Variants in PLAC1 observed in about 807,000 individuals in gnomAD.
The protein encoded by PLAC1 is placenta-specific protein 1.
For missense variants in PLAC1, 136 were observed against 163.2 expected, an observed-to-expected ratio of 0.83 and a Z score of 0.91; for synonymous variants, 68 against 62.1, an observed-to-expected ratio of 1.09 and a Z score of -0.44.
intron 2 of PLAC1, among the ~76,000 whole-genome samples, chrX:134,584,960 C>T (rs751712364): frequency 3.8e-4 from 42 of 110,741 alleles, no homozygotes; most frequent in African/African-American, 1.2e-3. Context: ...ACGTCTTTCT[C>T]CCTAAATAAA....
At chrX:134,719,885 C>T (rs1387516924) in intron 2 of PLAC1, among the ~76,000 whole-genome samples, 1 of 111,850 alleles carries the variant, frequency 8.9e-6, no homozygotes, top group Admixed American at 9.5e-5. Flanking sequence ...AAACCCACAA[C>T]TAACATCAAA....
At chrX:134,687,846 A>G (rs1358114520) in intron 2 of PLAC1, among the ~76,000 whole-genome samples, 8 of 78,164 alleles carry the variant, frequency 1.0e-4, no homozygotes, top group Non-Finnish European at 1.6e-4. Flanking sequence ...ATATATATAT[A>G]TATATATATA....
rs927622265 is a variant in PLAC1, at chrX:134,595,170, C to T, written c.-59+6881G>A. Among the ~76,000 whole-genome samples the T allele has an allele frequency of 1.1e-4, 12 of 110,604 alleles. No homozygotes were observed. In the East Asian group the frequency reaches 3.4e-3, roughly 32 times the overall value. On this transcript the variant is annotated intron_variant, in intron 2 of 2. Coordinates refer to ENST00000359237, the MANE Select transcript of PLAC1 (RefSeq NM_021796.4). ...ATTTTCCAAGTGTTTGGATGTTTTCCTGTTATCTGTCTGTTATTAATTTCT... is the reference window on the plus strand; with the variant it reads ...ATTTTCCAAGTGTTTGGATGTTTTCTTGTTATCTGTCTGTTATTAATTTCT...
chrX:134,591,935 T>C (rs1669733822), intron 2 of PLAC1, among the ~76,000 whole-genome samples: 2 of 112,547 alleles, frequency 1.8e-5, no homozygotes, highest in Non-Finnish European at 1.9e-5. Flanking sequence ...TTACAATCCA[T>C]GTTTCCTCTT....
At chrX:134,724,394 C>T (rs902538067) in intron 2 of PLAC1, among the ~76,000 whole-genome samples, 3 of 111,935 alleles carry the variant, frequency 2.7e-5, no homozygotes, top group East Asian at 5.6e-4. Flanking sequence ...ATGATAAGGC[C>T]CTCAGAATCC....
chrX:134,717,662 G>A (rs2078647252), intron 2 of PLAC1, among the ~76,000 whole-genome samples: 1 of 111,946 alleles, frequency 8.9e-6, no homozygotes, highest in Non-Finnish European at 1.9e-5. Context: ...TAAAATTCTA[G>A]AGCCATTCAT....
intron 1 of PLAC1, among the ~76,000 whole-genome samples, chrX:134,633,212 C>G (rs777597735): frequency 3.6e-5 from 4 of 111,701 alleles, no homozygotes; most frequent in Non-Finnish European, 7.5e-5. Context: ...AGCACATTTT[C>G]TTTTCACTGT....
In PLAC1 at chrX:134,704,427, A is replaced by G. The variant is rs6654283; in HGVS notation, n.174+29008T>C. Reference sequence around the variant, plus strand: ...AGAATCACTTGAACCCGGGAGGCAGAGGTTACAGTGAGCTGAGATTGCAAC... The same window carrying G: ...AGAATCACTTGAACCCGGGAGGCAGGGGTTACAGTGAGCTGAGATTGCAAC... On this transcript the variant is annotated intron_variant and non_coding_transcript_variant, in intron 2 of 2. Coordinates refer to the PLAC1 transcript ENST00000466797. 3.1e-3 allele frequency among the ~76,000 whole-genome samples: 326 copies of G among 103,946 alleles called. 1 individual carries two copies. The highest frequency in any genetic ancestry group is 0.011 in the African/African-American group (310 of 28,629). 90.3% of individuals were successfully genotyped at this position (103,946 alleles called of 115,157 possible). A position where few individuals can be genotyped will look rare whatever the true frequency, so the allele number is the denominator to read the frequency against.
At chrX:134,677,077 G>A (rs902911886) in intron 2 of PLAC1, among the ~76,000 whole-genome samples, 5 of 112,345 alleles carry the variant, frequency 4.5e-5, no homozygotes, top group Non-Finnish European at 7.5e-5. Flanking sequence ...TTGTGGGCCC[G>A]CCCCAGGAGA....
chrX:134,586,506 C>G (rs1422946788), intron 2 of PLAC1, among the ~76,000 whole-genome samples: 1 of 110,883 alleles, frequency 9.0e-6, no homozygotes, highest in Non-Finnish European at 1.9e-5. Flanking sequence ...CCCGAGGGGC[C>G]GTGAAGCCAC....
At chrX:134,689,672 G>A (rs2078529991) in intron 2 of PLAC1, among the ~76,000 whole-genome samples, 1 of 111,387 alleles carries the variant, frequency 9.0e-6, no homozygotes. Flanking sequence ...TGTGATGTTG[G>A]GCAAGTCCCT....
chrX:134,568,660 C>A (rs1177882545), intron 2 of PLAC1, among the ~76,000 whole-genome samples: 1 of 111,127 alleles, frequency 9.0e-6, no homozygotes, highest in African/African-American at 3.3e-5. Context: ...GAAGCAGCAG[C>A]AACAAACAAA....
chrX:134,632,917 A>C (rs1440116099), intron 1 of PLAC1, among the ~76,000 whole-genome samples: 1 of 111,119 alleles, frequency 9.0e-6, no homozygotes, highest in Non-Finnish European at 1.9e-5. Context: ...TTGCCTCCAC[A>C]ATCTGTCTCC....
intron 1 of PLAC1, among the ~76,000 whole-genome samples, chrX:134,747,412 A>G (rs2078731397): frequency 9.0e-6 from 1 of 111,721 alleles, no homozygotes; most frequent in African/African-American, 3.3e-5. Flanking sequence ...ACACCCTGCT[A>G]TATTTCGAGT....
At chrX:134,753,599 G>A (rs778920149) in intron 1 of PLAC1, among the ~76,000 whole-genome samples, 1 of 110,072 alleles carries the variant, frequency 9.1e-6, no homozygotes, top group African/African-American at 3.3e-5. Flanking sequence ...TCAGGGGCGG[G>A]AACGAGATGG....
At chrX:134,704,275 C>A (rs1462729650) in intron 2 of PLAC1, among the ~76,000 whole-genome samples, 1 of 108,970 alleles carries the variant, frequency 9.2e-6, no homozygotes, top group African/African-American at 3.3e-5. Context: ...CGGCGGATCA[C>A]TTGAGGTCAG....
chrX:134,747,631 TGAGA>T (rs2078731912), intron 1 of PLAC1, among the ~76,000 whole-genome samples: 1 of 111,423 alleles, frequency 9.0e-6, no homozygotes. Context: ...AATCCTGGCC[TGAGA>T]GTCAGGAAAC....
intron 2 of PLAC1, among the ~76,000 whole-genome samples, chrX:134,716,692 G>T (rs2078644293): frequency 8.9e-6 from 1 of 112,344 alleles, no homozygotes; most frequent in South Asian, 3.7e-4. Context: ...TCTGACTGCT[G>T]TATCCCCAGG....
chrX:134,683,301 T>C (rs2078505057), intron 2 of PLAC1, among the ~76,000 whole-genome samples: 1 of 110,712 alleles, frequency 9.0e-6, no homozygotes, highest in African/African-American at 3.3e-5. Flanking sequence ...TCTGCCTCCA[T>C]CTACAGAGAT....
Sources: allele counts gnomAD v4.1 joint callset (sites outside exome capture counted in the v4.1 genomes callset), GRCh38; gene constraint gnomAD v4.1.1; transcripts MANE v1.5; gene names NCBI Gene and HGNC (gene_info 2026-07-23, HGNC 2026-07-21).